SGCZ: variants seen among roughly 807,000 people sequenced by gnomAD.
SGCZ encodes sarcoglycan zeta.
A neutral mutation model predicts 41.3 loss-of-function variants in SGCZ; 40 were observed. The observed-to-expected ratio is 0.97, with a 90% CI of 0.75 to 1.26. The LOEUF (loss-of-function observed/expected upper bound fraction) is 1.26, where lower values mean the gene tolerates loss of function less well. Among genes scored for constraint, SGCZ ranks in the 50% most tolerant of loss-of-function variants. The probability of loss-of-function intolerance (pLI) is 0.00; values close to 1 mark genes in which losing one functional copy is unlikely to be tolerated. For missense variants in SGCZ, 552 were observed against 369.8 expected (o/e 1.49, Z -4.04); for synonymous variants, 206 against 137.5 (o/e 1.50, Z -3.49).
intron 2 of SGCZ, among the ~76,000 whole-genome samples, chr8:14,380,763 G>A (rs563332951): frequency 6.6e-6 from 1 of 152,144 alleles, no homozygotes. Flanking sequence ...GAAGGCCGAG[G>A]TAGGAGAATC....
chr8:14,233,673 T>A (rs1286388928), intron 4 of SGCZ, among the ~76,000 whole-genome samples: 1 of 150,282 alleles, frequency 6.7e-6, no homozygotes, highest in Admixed American at 6.7e-5. Flanking sequence ...ATAATTTACA[T>A]CCTTTGCCCA....
chr8:14,944,168 G>C (rs1023973962), intron 1 of SGCZ, among the ~76,000 whole-genome samples: 1 of 152,190 alleles, frequency 6.6e-6, no homozygotes, highest in African/African-American at 2.4e-5. Flanking sequence ...CCTGCAGGCT[G>C]AAGGTAGCTA....
intron 1 of SGCZ, among the ~76,000 whole-genome samples, chr8:14,666,327 G>C (rs1807909557): frequency 6.6e-6 from 1 of 152,140 alleles, no homozygotes; most frequent in African/African-American, 2.4e-5. Context: ...CACAATCAGA[G>C]ACTTGCAGGA....
At chr8:14,453,951 T>C (rs886292599) in intron 2 of SGCZ, among the ~76,000 whole-genome samples, 2 of 152,122 alleles carry the variant, frequency 1.3e-5, no homozygotes, top group African/African-American at 4.8e-5. Flanking sequence ...GAAATATTCT[T>C]ATATTGTACT....
chr8:15,040,281 G>A lies in SGCZ; in HGVS notation c.39+197304C>T, dbSNP rs565373280. Among the ~76,000 whole-genome samples, 979 of 152,250 alleles carry A rather than the reference G, an allele frequency of 6.4e-3. 8 individuals are homozygous for A. The highest frequency in any genetic ancestry group is 0.011 in the Non-Finnish European group (741 of 68,022). On this transcript the variant is annotated intron_variant, in intron 1 of 7. Coordinates refer to ENST00000382080, the MANE Select transcript of SGCZ (RefSeq NM_139167.4). The stretch of plus-strand genomic sequence containing the variant: ...AATATAGTAGGAATATATCATACAT[G>A]ACTGATACATTAGTCTTAAATGTCC...
At chr8:14,739,115 T>C (rs1171984789) in intron 1 of SGCZ, among the ~76,000 whole-genome samples, 3 of 152,102 alleles carry the variant, frequency 2.0e-5, no homozygotes, top group East Asian at 3.9e-4. Context: ...ACTGTGTATG[T>C]GTGTCTGTGT....
intron 1 of SGCZ, among the ~76,000 whole-genome samples, chr8:14,775,568 T>C (rs2130414091): frequency 6.6e-6 from 1 of 152,112 alleles, no homozygotes; most frequent in African/African-American, 2.4e-5. Context: ...TCATATTATT[T>C]ATAACGAATT....
intron 1 of SGCZ, among the ~76,000 whole-genome samples, chr8:14,632,479 T>C (rs1444459094): frequency 1.3e-5 from 2 of 152,152 alleles, no homozygotes. Flanking sequence ...ACTGCTGTTA[T>C]TCAACGTATG....
chr8:14,438,213 C>G (rs1800147215), intron 2 of SGCZ, among the ~76,000 whole-genome samples: 2 of 151,886 alleles, frequency 1.3e-5, no homozygotes, highest in Non-Finnish European at 2.9e-5. Flanking sequence ...TGCTTAATCA[C>G]TAAGAATCAG....
At chr8:14,769,165 G>T (rs1298847231) in intron 1 of SGCZ, among the ~76,000 whole-genome samples, 1 of 152,062 alleles carries the variant, frequency 6.6e-6, no homozygotes, top group African/African-American at 2.4e-5. Context: ...TAGGGAGCGA[G>T]GGAAAAACAG....
At chr8:14,979,789 G>A (rs1008740506) in intron 1 of SGCZ, among the ~76,000 whole-genome samples, 1 of 152,164 alleles carries the variant, frequency 6.6e-6, no homozygotes, top group African/African-American at 2.4e-5. Flanking sequence ...ATAGCTTTGG[G>A]CAGGTGATGA....
At chr8:15,041,959 G>A (rs1804114398) in intron 1 of SGCZ, among the ~76,000 whole-genome samples, 1 of 151,934 alleles carries the variant, frequency 6.6e-6, no homozygotes, top group African/African-American at 2.4e-5. Flanking sequence ...ACAACACAAC[G>A]CTGTACATAA....
chr8:14,216,127 C>A (rs1034795448), intron 4 of SGCZ, among the ~76,000 whole-genome samples: 9 of 152,202 alleles, frequency 5.9e-5, no homozygotes, highest in African/African-American at 1.9e-4. Context: ...AGTAGCCTTG[C>A]AGGTAATGAT....
At chr8:14,603,169 G>A (rs533612490) in intron 1 of SGCZ, among the ~76,000 whole-genome samples, 2 of 152,216 alleles carry the variant, frequency 1.3e-5, no homozygotes, top group African/African-American at 4.8e-5. Context: ...CTAAACCTTC[G>A]TTCTTGAAGA....
rs575140665 is a variant in SGCZ, at chr8:14,577,045, G to A, written c.40-22119C>T. Among the ~76,000 whole-genome samples the A allele has an allele frequency of 3.3e-4, 50 of 152,230 alleles. 1 individual carries two copies. The highest frequency in any genetic ancestry group is 1.2e-3 in the African/African-American group (48 of 41,546). ...AAAATATCTAAACTGTACATTTCTT[G>A]ACTAAGATCTTTCAATTGCCAAAAG... On this transcript the variant is annotated intron_variant, in intron 1 of 7. Transcript: ENST00000382080.
At chr8:14,281,003 C>G (rs1800412958) in intron 3 of SGCZ, among the ~76,000 whole-genome samples, 1 of 151,762 alleles carries the variant, frequency 6.6e-6, no homozygotes, top group Non-Finnish European at 1.5e-5. Flanking sequence ...CATTTCAGAT[C>G]AGACAAATTT....
chr8:14,544,509 T>C (rs1803565586), intron 2 of SGCZ, among the ~76,000 whole-genome samples: 1 of 152,096 alleles, frequency 6.6e-6, no homozygotes, highest in Non-Finnish European at 1.5e-5. Context: ...TATTGCTAAA[T>C]TCTTTTCCTA....
chr8:15,006,362 A>G (rs62495394), intron 1 of SGCZ, among the ~76,000 whole-genome samples: 2,494 of 152,296 alleles, frequency 0.016, 31 homozygotes, highest in Non-Finnish European at 0.022. Context: ...CTGAAGCAAA[A>G]CAAGATATTG....
intron 1 of SGCZ, among the ~76,000 whole-genome samples, chr8:14,676,096 C>T (rs953310062): frequency 2.0e-5 from 3 of 152,166 alleles, no homozygotes; most frequent in Admixed American, 6.5e-5. Flanking sequence ...CAGGGATCAA[C>T]CCAACTCAGG....
Sources: allele counts gnomAD v4.1 joint callset (sites outside exome capture counted in the v4.1 genomes callset), GRCh38; gene constraint gnomAD v4.1.1; transcripts MANE v1.5; gene names NCBI Gene and HGNC (gene_info 2026-07-23, HGNC 2026-07-21).